Variants in TSPAN8 observed in about 807,000 individuals in gnomAD.
The protein encoded by TSPAN8 is tetraspanin 8.
Under a neutral mutation model 32.8 loss-of-function variants are expected in TSPAN8, and 21 were observed. The observed-to-expected ratio is 0.64, with a 90% CI of 0.45 to 0.92. TSPAN8 has a LOEUF of 0.92. Ranked by LOEUF, TSPAN8 falls within the 40% of genes least tolerant of loss-of-function variation. The pLI, the probability that TSPAN8 is intolerant of heterozygous loss-of-function variation, is 0.00. For synonymous variants in TSPAN8, 95 were observed against 94.6 expected, an observed-to-expected ratio of 1.00 and a Z score of -0.03; for missense variants, 269 against 281.9, an observed-to-expected ratio of 0.95 and a Z score of 0.33.
intron 4 of TSPAN8, chr12:71,139,150 C>T (rs1162807813): frequency 6.6e-6 from 3 of 456,162 alleles, no homozygotes; most frequent in South Asian, 1.5e-5. Flanking sequence ...CCACAACCCA[C>T]ACTTGGATTC....
chr12:71,130,031 C>T (rs1565782420), intron 7 of TSPAN8, among the ~76,000 whole-genome samples: 1 of 151,260 alleles, frequency 6.6e-6, no homozygotes, highest in Non-Finnish European at 1.5e-5. Flanking sequence ...TGGCTCACTG[C>T]AGCCTTGACT....
At position 71,138,034 on chromosome 12, in the gene TSPAN8, G is replaced by C. The variant is rs2137051577; in HGVS notation, c.363C>G (p.Leu121=). The change falls in exon 6 of 9, where the codon CTC becomes CTG. Residue 121 remains leucine (L), a synonymous_variant. Coordinates refer to ENST00000247829, the MANE Select transcript of TSPAN8 (RefSeq NM_004616.3). ...CGCTCAAAAGCTTTGTGTTTTCATA[G>C]AGAGTTTCATTCACAATGCGATCAG... The part of the protein sequence containing the change: ...SKSDRIVNET[L]YENTKLLSAT... The C allele has an allele frequency of 6.2e-7, 1 of 1,613,954 alleles. No homozygotes were observed. The highest frequency in any genetic ancestry group is 8.5e-7 in the Non-Finnish European group (1 of 1,179,968).
intron 8 of TSPAN8, among the ~76,000 whole-genome samples, chr12:71,125,777 A>G (rs1282901979): frequency 6.6e-6 from 1 of 152,168 alleles, no homozygotes; most frequent in Non-Finnish European, 1.5e-5. Flanking sequence ...TGCTTCCATA[A>G]AAAGGTTATG....
At chr12:71,149,520 C>A (rs1872179915) in intron 2 of TSPAN8, among the ~76,000 whole-genome samples, 2 of 152,200 alleles carry the variant, frequency 1.3e-5, no homozygotes, top group South Asian at 2.1e-4. Context: ...GCAGACTCTG[C>A]AATCATGGTT....
intron 2 of TSPAN8, among the ~76,000 whole-genome samples, chr12:71,152,818 C>T (rs1472369607): frequency 1.3e-5 from 2 of 152,164 alleles, no homozygotes; most frequent in East Asian, 1.9e-4. Context: ...TTTTAGTGTA[C>T]CACCATCTCA....
intron 8 of TSPAN8, 127 bp from the exon 9 acceptor site, chr12:71,125,514 C>T: frequency 1.4e-6 from 1 of 732,912 alleles, no homozygotes. Flanking sequence ...TTATCTAACT[C>T]ATCTCTCTTG....
intron 7 of TSPAN8, among the ~76,000 whole-genome samples, chr12:71,130,688 C>T (rs1344314289): frequency 5.9e-5 from 9 of 152,108 alleles, no homozygotes; most frequent in Non-Finnish European, 1.5e-5. Context: ...CACATTTAAC[C>T]CAACGTGGTA....
chr12:71,153,888 C>T (rs1241666425), intron 2 of TSPAN8, among the ~76,000 whole-genome samples: 6 of 152,096 alleles, frequency 3.9e-5, no homozygotes, highest in Non-Finnish European at 7.3e-5. Context: ...ATTGTAAATC[C>T]GACCACATAT....
At position 71,150,677 on chromosome 12, in the gene TSPAN8, C is replaced by T. The variant is rs147012487; in HGVS notation, c.61-6464G>A. On this transcript the variant is annotated intron_variant, in intron 2 of 8. Transcript: ENST00000247829. Reference sequence around the variant, plus strand: ...TGGTGTTTATTGTATTGAGTGTTGACATGGTTTAGCTGTGTCCTCACCCAA... The same window carrying T: ...TGGTGTTTATTGTATTGAGTGTTGATATGGTTTAGCTGTGTCCTCACCCAA... Among the ~76,000 whole-genome samples, 606 of 152,274 alleles carry T rather than the reference C, an allele frequency of 4.0e-3. 3 individuals are homozygous for T. Among genetic ancestry groups the T allele is most frequent in the African/African-American group, 0.012 (507 of 41,554 alleles).
chr12:71,151,701 G>T (rs1457056868), intron 2 of TSPAN8, among the ~76,000 whole-genome samples: 3 of 152,166 alleles, frequency 2.0e-5, no homozygotes, highest in Non-Finnish European at 4.4e-5. Context: ...CAAGCCACAG[G>T]GCATTATATC....
chr12:71,132,873 A>G (rs757239809), intron 6 of TSPAN8, 49 bp from the exon 7 acceptor site: 2 of 1,599,288 alleles, frequency 1.3e-6, no homozygotes, highest in African/African-American at 2.7e-5. Flanking sequence ...AAGATTAAAA[A>G]CATTGGCAAT....
At chr12:71,131,427 AG>A (rs1300152469) in intron 7 of TSPAN8, among the ~76,000 whole-genome samples, 1 of 152,120 alleles carries the variant, frequency 6.6e-6, no homozygotes, top group Non-Finnish European at 1.5e-5. Context: ...TCAGTGAAAA[AG>A]ATCAGTAGTC....
intron 6 of TSPAN8, among the ~76,000 whole-genome samples, 172 bp downstream of exon 6, chr12:71,137,781 C>A (rs893529759): frequency 6.6e-6 from 1 of 152,084 alleles, no homozygotes; most frequent in Non-Finnish European, 1.5e-5. Flanking sequence ...TTGTATGAAG[C>A]GAGAAAGTAA....
chr12:71,135,081 G>A (rs1871638032), intron 6 of TSPAN8, among the ~76,000 whole-genome samples: 2 of 152,160 alleles, frequency 1.3e-5, no homozygotes, highest in South Asian at 4.1e-4. Flanking sequence ...AGCATCTGTA[G>A]CTTTTGTCAA....
intron 6 of TSPAN8, among the ~76,000 whole-genome samples, chr12:71,136,518 G>A (rs1871702692): frequency 6.6e-6 from 1 of 152,296 alleles, no homozygotes; most frequent in East Asian, 1.9e-4. Flanking sequence ...AAAGTAGTAA[G>A]AGCACTCCAA....
chr12:71,150,745 T>C (rs905932040), intron 2 of TSPAN8, among the ~76,000 whole-genome samples: 2 of 152,308 alleles, frequency 1.3e-5, no homozygotes, highest in African/African-American at 2.4e-5. Flanking sequence ...CAGTGGGAGA[T>C]AACTGAATCA....
At chr12:71,142,332 TC>T (rs1407470825) in intron 3 of TSPAN8, among the ~76,000 whole-genome samples, 8 of 152,176 alleles carry the variant, frequency 5.3e-5, no homozygotes, top group Non-Finnish European at 8.8e-5. Context: ...GGACAACAGT[TC>T]CCCTTTAATA....
intron 4 of TSPAN8, chr12:71,139,251 C>T (rs1871814796): frequency 6.6e-6 from 3 of 457,630 alleles, no homozygotes; most frequent in African/African-American, 4.0e-5. Flanking sequence ...TGTACTGCCA[C>T]GTTGTCTTTC....
rs868432453 is a variant in TSPAN8 at position 71,132,926 on chromosome 12, A to G, written c.445-102T>C. 2.1e-5 allele frequency: 29 copies of G among 1,353,248 alleles called. 2 individuals are homozygous for G. The Middle Eastern group carries it at 7.8e-4, about 37-fold the overall frequency. 83.8% of individuals were successfully genotyped at this position (1,353,248 alleles called of 1,614,324 possible). A position where few individuals can be genotyped will look rare whatever the true frequency, so the allele number is the denominator to read the frequency against. On this transcript the variant is annotated intron_variant, in intron 6 of 8. Coordinates refer to ENST00000247829, the MANE Select transcript of TSPAN8 (RefSeq NM_004616.3). ...TCTGAAATCATTATTAAAGGTTATT[A>G]TGCTAAAATACCATGTAAGTCACCT... is the stretch of plus-strand genomic sequence containing the variant.
Sources: allele counts gnomAD v4.1 joint callset (sites outside exome capture counted in the v4.1 genomes callset), GRCh38; gene constraint gnomAD v4.1.1; transcripts MANE v1.5; gene names NCBI Gene and HGNC (gene_info 2026-07-23, HGNC 2026-07-21).